Variants in C7 observed in about 807,000 individuals in gnomAD.
The protein encoded by C7 is complement C7.
A neutral mutation model predicts 104.8 loss-of-function variants in C7; 83 were observed. The observed-to-expected ratio is 0.79, with a 90% CI of 0.66 to 0.95. The LOEUF is 0.95. Ranked by LOEUF, C7 falls within the 40% of genes least tolerant of loss-of-function variation. The probability of loss-of-function intolerance (pLI) is 0.00; values close to 1 mark genes in which losing one functional copy is unlikely to be tolerated. For synonymous variants in C7, 415 were observed against 360.6 expected (o/e 1.15, Z -1.71); for missense variants, 1,070 against 1,011.2 (o/e 1.06, Z -0.79).
intron 5 of C7, chr5:40,937,294 T>G: frequency 4.2e-6 from 1 of 240,466 alleles, no homozygotes; most frequent in Non-Finnish European, 7.9e-6. Flanking sequence ...GTTTCCCAAA[T>G]ATGTTCTTAG....
In C7 at chr5:40,972,562, C is replaced by G. The variant is rs560966807; in HGVS notation, c.2042C>G (p.Pro681Arg). ...TGTGGCTCCAGCCTTAAGTGGAGTC[C>G]TGAGATGAAGAATGCCCGCTGTGTA... is the stretch of plus-strand genomic sequence containing the variant. ...FLCGSSLKWSPEMKNARCVQK... is the reference protein window; with the variant it reads ...FLCGSSLKWSREMKNARCVQK... Residue 681 changes from proline to arginine, a missense_variant, in exon 15 of 18, where the codon CCT becomes CGT. By Grantham distance (103) the Pro-to-Arg change is moderately radical. Coordinates refer to ENST00000313164, the MANE Select transcript of C7 (RefSeq NM_000587.4). The G allele has an allele frequency of 2.0e-5, 33 of 1,610,864 alleles. No homozygotes were observed. In the South Asian group the frequency reaches 3.4e-4, roughly 17 times the overall value.
chr5:40,945,885 T>C (rs1021260194), intron 7 of C7, among the ~76,000 whole-genome samples: 4 of 106,592 alleles, frequency 3.8e-5, no homozygotes, highest in African/African-American at 1.7e-4. Context: ...CATATATATA[T>C]ATATATATAT....
At chr5:40,940,741 A>G (rs1296985191) in intron 6 of C7, among the ~76,000 whole-genome samples, 1 of 152,176 alleles carries the variant, frequency 6.6e-6, no homozygotes, top group South Asian at 2.1e-4. Context: ...CAAGAGCTTT[A>G]CATGGACCTA....
intron 17 of C7, chr5:40,980,347 T>G (rs571629400): frequency 2.0e-5 from 3 of 152,882 alleles, no homozygotes; most frequent in South Asian, 4.1e-4. Flanking sequence ...AGTTGTGGAC[T>G]CTAGCCAGAT....
intron 14 of C7, among the ~76,000 whole-genome samples, chr5:40,967,257 GT>G (rs1176730393): frequency 6.6e-6 from 1 of 151,888 alleles, no homozygotes; most frequent in Admixed American, 6.6e-5. Flanking sequence ...GTAGAGATGG[GT>G]TTTCACCATG....
intron 15 of C7, among the ~76,000 whole-genome samples, chr5:40,975,746 G>A (rs1275734827): frequency 6.6e-6 from 1 of 152,124 alleles, no homozygotes; most frequent in Non-Finnish European, 1.5e-5. Flanking sequence ...CATTTTTACA[G>A]GTTTATGAAT....
chr5:40,916,350 C>T lies in C7; in HGVS notation c.6+6734C>T, dbSNP rs188561468. ...CCTCAGGAGTGTTTTAAACATCAAA[C>T]GGACCACCCACAGTACTAAAGAATA... On this transcript the variant is annotated intron_variant, in intron 1 of 17. Transcript: ENST00000313164. Among the ~76,000 whole-genome samples, 705 of 152,208 alleles carry T rather than the reference C, an allele frequency of 4.6e-3. 2 individuals are homozygous for T. The highest frequency in any genetic ancestry group is 8.0e-3 in the Non-Finnish European group (544 of 68,006).
In C7 at chr5:40,979,832, C is replaced by G; in HGVS notation, c.2273C>G (p.Thr758Ser). 6.2e-7 allele frequency: 1 copy of G among 1,613,636 alleles called. No homozygotes were observed. Among genetic ancestry groups the G allele is most frequent in the Non-Finnish European group, 8.5e-7 (1 of 1,179,654 alleles). The change falls in exon 17 of 18, where the codon ACT becomes AGT. Residue 758 changes from threonine (T) to serine (S), a missense_variant. By Grantham distance (58) the Thr-to-Ser change is moderately conservative (BLOSUM62 1). Coordinates refer to ENST00000313164, the MANE Select transcript of C7 (RefSeq NM_000587.4). ...LHCQGRNYTL[T>S]GRDSCTLPAS... ...TGTCAGGGTAGAAATTACACCCTTA[C>G]TGGTAGGGACAGCTGTACTCTGCCT...
At chr5:40,947,949 G>T (rs1740088360) in intron 8 of C7, 104 bp downstream of exon 8, 1 of 1,188,578 alleles carries the variant, frequency 8.4e-7, no homozygotes, top group East Asian at 2.3e-5. Flanking sequence ...TTGACAAACA[G>T]AAATTTAAAT....
chr5:40,945,418 T>C (rs1167845004), intron 7 of C7, 50 bp downstream of exon 7: 5 of 1,226,152 alleles, frequency 4.1e-6, no homozygotes, highest in South Asian at 3.0e-5. Context: ...TTTTTAAGTA[T>C]TGCTTACATT....
At chr5:40,930,266 T>C (rs1448019256) in intron 2 of C7, among the ~76,000 whole-genome samples, 1 of 145,620 alleles carries the variant, frequency 6.9e-6, no homozygotes, top group Non-Finnish European at 1.5e-5. Context: ...AGTGCAGTGG[T>C]GCAATCTCAG....
At chr5:40,951,713 G>A (rs969277848) in intron 9 of C7, among the ~76,000 whole-genome samples, 1 of 152,196 alleles carries the variant, frequency 6.6e-6, no homozygotes, top group African/African-American at 2.4e-5. Flanking sequence ...GCCATAGACT[G>A]AGCAGTATCA....
At chr5:40,973,497 G>A (rs548028227) in intron 15 of C7, among the ~76,000 whole-genome samples, 23 of 152,274 alleles carry the variant, frequency 1.5e-4, no homozygotes, top group Non-Finnish European at 2.5e-4. Context: ...TTCTCCATGC[G>A]ACAGGGTATG....
intron 7 of C7, among the ~76,000 whole-genome samples, chr5:40,945,908 A>G (rs187832723): frequency 0.019 from 2,502 of 134,938 alleles, 83 homozygotes; most frequent in East Asian, 0.1. Flanking sequence ...ATATATATAT[A>G]TGTATATTTA....
At chr5:40,957,273 G>A (rs558649801) in intron 10 of C7, among the ~76,000 whole-genome samples, 1 of 152,260 alleles carries the variant, frequency 6.6e-6, no homozygotes, top group Admixed American at 6.5e-5. Context: ...TTTCAAGGTT[G>A]CTTTTCTTCT....
chr5:40,983,894 G>A lies in C7; in HGVS notation c.*2321G>A, dbSNP rs1741006467. ...GTTAGAAGGGGATAGAGCCTTGGAGGAGGCAGAGGGCAGAAAGCATTGCTG... is the reference window on the plus strand; with the variant it reads ...GTTAGAAGGGGATAGAGCCTTGGAGAAGGCAGAGGGCAGAAAGCATTGCTG... On this transcript the variant is annotated 3_prime_UTR_variant, in exon 18 of 18. Coordinates refer to ENST00000313164, the MANE Select transcript of C7 (RefSeq NM_000587.4). 6.6e-6 allele frequency among the ~76,000 whole-genome samples: 1 copy of A among 152,152 alleles called. No homozygotes were observed. Among genetic ancestry groups the A allele is most frequent in the Non-Finnish European group, 1.5e-5 (1 of 68,026 alleles).
chr5:40,925,611 G>A (rs973600136), intron 1 of C7, among the ~76,000 whole-genome samples: 1 of 152,192 alleles, frequency 6.6e-6, no homozygotes, highest in Admixed American at 6.5e-5. Flanking sequence ...TTCTGTGTTA[G>A]CCTGTTCTTT....
intron 4 of C7, among the ~76,000 whole-genome samples, chr5:40,935,420 T>C (rs1179969213): frequency 6.6e-6 from 1 of 152,174 alleles, no homozygotes; most frequent in Non-Finnish European, 1.5e-5. Context: ...TATAGCAGGG[T>C]ACATGTCCTA....
intron 7 of C7, 39 bp downstream of exon 7, chr5:40,945,407 T>A (rs372279814): frequency 2.8e-6 from 4 of 1,412,060 alleles, no homozygotes; most frequent in South Asian, 2.7e-5. Context: ...CATGTTTTAC[T>A]TTTTTAAGTA....
Sources: allele counts gnomAD v4.1 joint callset (sites outside exome capture counted in the v4.1 genomes callset), GRCh38; gene constraint gnomAD v4.1.1; transcripts MANE v1.5; gene names NCBI Gene and HGNC (gene_info 2026-07-23, HGNC 2026-07-21).